CTNNA3: variants seen among roughly 807,000 people sequenced by gnomAD.
CTNNA3 encodes catenin alpha 3, also known as catenin alpha-3.
In CTNNA3, 76 loss-of-function variants were observed where a neutral mutation model predicts 95.7. The observed-to-expected ratio is 0.79, with a 90% CI of 0.66 to 0.96. The LOEUF (loss-of-function observed/expected upper bound fraction) is 0.96, where lower values mean the gene tolerates loss of function less well. Among genes scored for constraint, CTNNA3 ranks in the 40% least tolerant of loss-of-function variants. The pLI is 0.00. For synonymous variants in CTNNA3, 431 were observed against 374.4 expected (o/e 1.15, Z -1.74); for missense variants, 1,191 against 1,089.8 (o/e 1.09, Z -1.31).
chr10:67,717,752 G>A (rs1394129324), intron 1 of CTNNA3, among the ~76,000 whole-genome samples: 2 of 152,168 alleles, frequency 1.3e-5, no homozygotes, highest in Admixed American at 1.3e-4. Context: ...CGGGTAGCAT[G>A]ATGCCTCCAG....
intron 7 of CTNNA3, among the ~76,000 whole-genome samples, chr10:67,111,565 T>C (rs192801241): frequency 6.6e-6 from 1 of 152,172 alleles, no homozygotes; most frequent in East Asian, 1.9e-4. Flanking sequence ...GTCCAAAAGC[T>C]TGTTAAGGAC....
chr10:66,189,621 C>A (rs867121448), intron 13 of CTNNA3, among the ~76,000 whole-genome samples: 2 of 86,634 alleles, frequency 2.3e-5, no homozygotes, highest in African/African-American at 1.3e-4. Flanking sequence ...TATATATACA[C>A]ACATACACAC....
chr10:67,566,948 A>C (rs2133279054), intron 3 of CTNNA3, among the ~76,000 whole-genome samples: 1 of 147,024 alleles, frequency 6.8e-6, no homozygotes, highest in East Asian at 2.0e-4. Context: ...ACATGTTCTC[A>C]CTCATAGGTG....
intron 7 of CTNNA3, among the ~76,000 whole-genome samples, chr10:67,103,233 G>A (rs1348024369): frequency 1.3e-5 from 2 of 151,810 alleles, no homozygotes; most frequent in Non-Finnish European, 2.9e-5. Flanking sequence ...GAATTCTTGT[G>A]CTTTCCCATA....
At chr10:66,297,431 T>A (rs950923156) in intron 12 of CTNNA3, among the ~76,000 whole-genome samples, 3 of 152,198 alleles carry the variant, frequency 2.0e-5, no homozygotes, top group Admixed American at 6.5e-5. Context: ...AGAATACATT[T>A]AATCATATAT....
intron 2 of CTNNA3, among the ~76,000 whole-genome samples, chr10:67,614,344 T>G (rs541184283): frequency 1.3e-5 from 2 of 152,230 alleles, no homozygotes; most frequent in Non-Finnish European, 2.9e-5. Context: ...ACATTTATTG[T>G]GTACTTTATA....
At chr10:67,360,763 A>T (rs1842968268) in intron 5 of CTNNA3, among the ~76,000 whole-genome samples, 1 of 152,154 alleles carries the variant, frequency 6.6e-6, no homozygotes, top group South Asian at 2.1e-4. Flanking sequence ...CGATCTCATG[A>T]TAACTCACTC....
At chr10:66,553,861 A>T (rs1842306638) in intron 10 of CTNNA3, among the ~76,000 whole-genome samples, 1 of 152,066 alleles carries the variant, frequency 6.6e-6, no homozygotes, top group Non-Finnish European at 1.5e-5. Context: ...CTTTTGAACA[A>T]TAAAAGGTCC....
At chr10:66,764,344 C>T (rs1024084984) in intron 9 of CTNNA3, among the ~76,000 whole-genome samples, 1 of 152,084 alleles carries the variant, frequency 6.6e-6, no homozygotes, top group African/African-American at 2.4e-5. Flanking sequence ...GTAGCATTCC[C>T]AAGTGTTCCT....
At chr10:67,073,315 T>C (rs1460213172) in intron 7 of CTNNA3, among the ~76,000 whole-genome samples, 1 of 152,220 alleles carries the variant, frequency 6.6e-6, no homozygotes, top group African/African-American at 2.4e-5. Context: ...ATATTTTCCA[T>C]TAATTGGCTA....
At chr10:66,622,701 G>C (rs1589512611) in intron 9 of CTNNA3, among the ~76,000 whole-genome samples, 1 of 152,020 alleles carries the variant, frequency 6.6e-6, no homozygotes, top group East Asian at 1.9e-4. Context: ...ATCTCTGTCA[G>C]TTGTTTTATA....
intron 7 of CTNNA3, among the ~76,000 whole-genome samples, chr10:66,903,546 C>T (rs143199770): frequency 0.014 from 2,065 of 151,886 alleles, 46 homozygotes; most frequent in African/African-American, 0.047. Context: ...GGCAAGAGAA[C>T]GAAATAAAGG....
chr10:66,130,045 G>T (rs961423335), intron 13 of CTNNA3, among the ~76,000 whole-genome samples: 2 of 152,054 alleles, frequency 1.3e-5, no homozygotes, highest in African/African-American at 4.8e-5. Context: ...CCAGCATCCT[G>T]CCCCTGTGCC....
chr10:66,157,651 G>A (rs928683577), intron 13 of CTNNA3, among the ~76,000 whole-genome samples: 5 of 151,848 alleles, frequency 3.3e-5, no homozygotes, highest in Admixed American at 6.6e-5. Flanking sequence ...TATCTTTTTC[G>A]AATAATGATT....
At chr10:66,320,751 C>T (rs2092171756) in intron 12 of CTNNA3, among the ~76,000 whole-genome samples, 1 of 152,016 alleles carries the variant, frequency 6.6e-6, no homozygotes, top group South Asian at 2.1e-4. Context: ...TTTAAAGATG[C>T]TTCTTGTAAC....
chr10:66,151,244 G>T (rs2084183977), intron 13 of CTNNA3, among the ~76,000 whole-genome samples: 1 of 151,968 alleles, frequency 6.6e-6, no homozygotes, highest in South Asian at 2.1e-4. Context: ...ACTTATGAAG[G>T]ACTGGTTACT....
intron 5 of CTNNA3, among the ~76,000 whole-genome samples, chr10:67,369,610 T>C (rs1423051318): frequency 6.6e-6 from 1 of 152,166 alleles, no homozygotes; most frequent in Non-Finnish European, 1.5e-5. Context: ...AGAGTTAATC[T>C]ACTCAATATT....
chr10:67,420,481 A>G (rs772933174), intron 5 of CTNNA3, among the ~76,000 whole-genome samples: 1 of 152,134 alleles, frequency 6.6e-6, no homozygotes, highest in Non-Finnish European at 1.5e-5. Context: ...GACATTGGAG[A>G]GTACTTTAAC....
At chr10:67,650,477 G>A (rs1050182662) in intron 1 of CTNNA3, among the ~76,000 whole-genome samples, 5 of 152,160 alleles carry the variant, frequency 3.3e-5, no homozygotes, top group Non-Finnish European at 7.4e-5. Context: ...TGTCTCCAGA[G>A]AAAGACACCA....
Sources: gnomAD v4.1 joint callset for allele counts (sites outside exome capture counted in the v4.1 genomes callset) on GRCh38, gnomAD v4.1.1 for gene constraint, MANE v1.5 for transcripts, NCBI Gene and HGNC (gene_info 2026-07-23, HGNC 2026-07-21) for gene names.